Variants in PTPRG observed in about 807,000 individuals in gnomAD.
PTPRG encodes receptor-type tyrosine-protein phosphatase gamma.
In PTPRG, 102 loss-of-function variants were observed where a neutral mutation model predicts 165.3. The observed-to-expected ratio is 0.62, with a 90% CI of 0.53 to 0.73. The LOEUF is 0.73. Among genes scored for constraint, PTPRG ranks in the 30% least tolerant of loss-of-function variants. The pLI is 0.00. For synonymous variants in PTPRG, 675 were observed against 669.5 expected, an observed-to-expected ratio of 1.01 and a Z score of -0.13; for missense variants, 1,866 against 1,861.4, an observed-to-expected ratio of 1.00 and a Z score of -0.05.
chr3:61,840,782 GTT>G (rs149041037), intron 2 of PTPRG, among the ~76,000 whole-genome samples: 46 of 120,100 alleles, frequency 3.8e-4, no homozygotes, highest in African/African-American at 1.2e-3. Context: ...TTGTTTGTTT[GTT>G]TTTTTTTTTT....
chr3:61,805,652 C>CT (rs1053043940), intron 2 of PTPRG, among the ~76,000 whole-genome samples: 2 of 151,916 alleles, frequency 1.3e-5, no homozygotes, highest in African/African-American at 4.8e-5. Flanking sequence ...GTCATGGAGT[C>CT]TAAGTTAAAG....
chr3:61,918,680 A>T lies in PTPRG; in HGVS notation c.191-70945A>T, dbSNP rs545205083. 2.6e-5 allele frequency among the ~76,000 whole-genome samples: 4 copies of T among 152,308 alleles called. No individual in the cohort carries two copies. In the East Asian group the frequency reaches 7.7e-4, roughly 29 times the overall value. On this transcript the variant is annotated intron_variant, in intron 2 of 29. Coordinates refer to ENST00000474889, the MANE Select transcript of PTPRG (RefSeq NM_002841.4). Reference sequence around the variant, plus strand: ...CAAGGATAGCTTCCTTTACTCCTTTAAGGTTTTGAAAGGGCTGTATTTGAA... The same window carrying T: ...CAAGGATAGCTTCCTTTACTCCTTTTAGGTTTTGAAAGGGCTGTATTTGAA...
At chr3:61,838,009 C>T (rs2036521878) in intron 2 of PTPRG, among the ~76,000 whole-genome samples, 1 of 152,164 alleles carries the variant, frequency 6.6e-6, no homozygotes. Context: ...ACCTTATTCA[C>T]CCCTTTAAAA....
rs1251898477 is a variant in PTPRG at position 62,036,977 on chromosome 3, G to C, written c.519+33480G>C. Reference sequence around the variant, plus strand: ...CTCCCTCAGTGCTGCACGTGCGCGCGCGCACGCACACACACACACACACAC... The same window carrying C: ...CTCCCTCAGTGCTGCACGTGCGCGCCCGCACGCACACACACACACACACAC... On this transcript the variant is annotated intron_variant, in intron 4 of 29. Transcript: ENST00000474889. Among the ~76,000 whole-genome samples the C allele has an allele frequency of 3.3e-5, 3 of 91,204 alleles. No homozygotes were observed. In the South Asian group the frequency reaches 1.1e-3, roughly 35 times the overall value. The allele number at this position is 91,204 out of a possible 152,430, so 59.8% of individuals were successfully genotyped here.
intron 2 of PTPRG, among the ~76,000 whole-genome samples, chr3:61,974,704 C>A (rs2040463201): frequency 6.6e-6 from 1 of 152,192 alleles, no homozygotes; most frequent in South Asian, 2.1e-4. Context: ...ACATATGATT[C>A]TATTGGAAAC....
intron 2 of PTPRG, among the ~76,000 whole-genome samples, chr3:61,832,335 C>G (rs1344174384): frequency 1.3e-5 from 2 of 152,196 alleles, no homozygotes; most frequent in African/African-American, 4.8e-5. Context: ...TTATTATATG[C>G]TCAAAACCCC....
At chr3:61,787,016 G>T (rs2034723903) in intron 2 of PTPRG, among the ~76,000 whole-genome samples, 1 of 152,122 alleles carries the variant, frequency 6.6e-6, no homozygotes, top group Non-Finnish European at 1.5e-5. Context: ...GAAATAGTTG[G>T]TGATCTGGTA....
intron 8 of PTPRG, among the ~76,000 whole-genome samples, chr3:62,178,978 A>G (rs1430339086): frequency 6.6e-6 from 1 of 152,208 alleles, no homozygotes; most frequent in Non-Finnish European, 1.5e-5. Flanking sequence ...CCTATGAAAC[A>G]TGAGGCTGCG....
At chr3:62,173,044 C>T (rs1705277156) in intron 8 of PTPRG, among the ~76,000 whole-genome samples, 1 of 152,180 alleles carries the variant, frequency 6.6e-6, no homozygotes, top group South Asian at 2.1e-4. Flanking sequence ...AGGACCCCTA[C>T]GGACACCAGT....
chr3:61,899,504 G>A (rs932354104), intron 2 of PTPRG, among the ~76,000 whole-genome samples: 2 of 152,262 alleles, frequency 1.3e-5, no homozygotes, highest in African/African-American at 4.8e-5. Flanking sequence ...GGCCCCTTCA[G>A]GAGAGAGAGC....
intron 2 of PTPRG, among the ~76,000 whole-genome samples, chr3:61,839,890 A>T (rs2036575060): frequency 6.6e-6 from 1 of 152,064 alleles, no homozygotes; most frequent in Non-Finnish European, 1.5e-5. Flanking sequence ...CCTTCAATGC[A>T]TTTGGTATTT....
At chr3:62,054,384 T>G (rs1700563132) in intron 4 of PTPRG, among the ~76,000 whole-genome samples, 1 of 152,236 alleles carries the variant, frequency 6.6e-6, no homozygotes, top group African/African-American at 2.4e-5. Flanking sequence ...GTACGTCACC[T>G]GTTTGGAATA....
At position 62,000,206 on chromosome 3, in the gene PTPRG, A is replaced by G. The variant is rs149486861; in HGVS notation, c.371-3143A>G. Among the ~76,000 whole-genome samples the G allele has an allele frequency of 7.8e-3, 1,178 of 151,100 alleles. 23 individuals are homozygous for G. Among genetic ancestry groups the G allele is most frequent in the African/African-American group, 0.028 (1,131 of 41,104 alleles). ...TGAGGCAGGAGAATCACTTGAACCC[A>G]GGAAGCTGAGGTTGCAGTGGGCGGT... On this transcript the variant is annotated intron_variant, in intron 3 of 29. Coordinates refer to ENST00000474889, the MANE Select transcript of PTPRG (RefSeq NM_002841.4).
chr3:61,697,215 G>C (rs1393603104), intron 1 of PTPRG, among the ~76,000 whole-genome samples: 1 of 152,154 alleles, frequency 6.6e-6, no homozygotes, highest in African/African-American at 2.4e-5. Context: ...TGAGAAAAGA[G>C]GCATCCTTAT....
Position 62,254,774 on chromosome 3 carries a change from T to A in PTPRG, c.2468-350T>A, listed in dbSNP as rs973943941. On this transcript the variant is annotated intron_variant, in intron 15 of 29. Transcript: ENST00000474889. This position sits in a 1 kb window ranked among gnomAD's most constrained non-coding sequence, Gnocchi z 4.6. The stretch of plus-strand genomic sequence containing the variant: ...ACAACAAAGAAAACCCCTGGTGTGA[T>A]AAAATTTCTTGGCAAATGGGTACCC... Among the ~76,000 whole-genome samples, 1 of 152,126 alleles carries A rather than the reference T, an allele frequency of 6.6e-6. No individual in the cohort carries two copies. The highest frequency in any genetic ancestry group is 2.4e-5 in the African/African-American group (1 of 41,444).
chr3:62,025,514 TG>T (rs1443240978), intron 4 of PTPRG, among the ~76,000 whole-genome samples: 1 of 152,210 alleles, frequency 6.6e-6, no homozygotes, highest in African/African-American at 2.4e-5. Flanking sequence ...TTTTTTAAAT[TG>T]CTTGATTAGG....
intron 5 of PTPRG, among the ~76,000 whole-genome samples, chr3:62,119,246 G>A (rs1228956982): frequency 6.6e-6 from 1 of 152,338 alleles, no homozygotes; most frequent in Admixed American, 6.5e-5. Context: ...GCAACCAGTT[G>A]GGCTGTACCC....
chr3:62,262,693 C>A, intron 16 of PTPRG, 105 bp from the exon 17 acceptor site: 1 of 598,874 alleles, frequency 1.7e-6, no homozygotes, highest in Non-Finnish European at 2.7e-6. Context: ...GAGAAGGTAA[C>A]GGTGGCTGTG....
At chr3:61,718,202 AAAAC>A (rs1412558454) in intron 1 of PTPRG, among the ~76,000 whole-genome samples, 2 of 145,366 alleles carry the variant, frequency 1.4e-5, no homozygotes, top group Non-Finnish European at 3.0e-5. Flanking sequence ...ACAAAACAAA[AAAAC>A]AAAAACCAAA....
Sources: gnomAD v4.1 joint callset for allele counts (sites outside exome capture counted in the v4.1 genomes callset) on GRCh38, gnomAD v4.1.1 for gene constraint, Gnocchi (gnomAD v3.1) non-coding constraint, MANE v1.5 for transcripts, NCBI Gene and HGNC (gene_info 2026-07-23, HGNC 2026-07-21) for gene names.